The following MEIKIN variants were observed in gnomAD, a reference collection of about 807,000 sequenced individuals.
MEIKIN encodes meiosis-specific kinetochore protein.
chr5:131,886,851 C>T (rs1750806690), intron 8 of MEIKIN, among the ~76,000 whole-genome samples: 1 of 151,888 alleles, frequency 6.6e-6, no homozygotes, highest in African/African-American at 2.4e-5. Context: ...TACATGTGCA[C>T]AACATGCAGG....
At chr5:131,854,423 T>G (rs939057782) in intron 10 of MEIKIN, among the ~76,000 whole-genome samples, 1 of 152,144 alleles carries the variant, frequency 6.6e-6, no homozygotes, top group African/African-American at 2.4e-5. Context: ...GTGGTGATGG[T>G]TGCATAATGA....
At chr5:131,871,373 G>T (rs1403706190) in intron 9 of MEIKIN, among the ~76,000 whole-genome samples, 2 of 152,230 alleles carry the variant, frequency 1.3e-5, no homozygotes, top group Non-Finnish European at 2.9e-5. Context: ...GGCTCAGAGG[G>T]TCCTACGCCC....
intron 7 of MEIKIN, among the ~76,000 whole-genome samples, chr5:131,915,780 A>G (rs1408513638): frequency 6.6e-5 from 10 of 152,206 alleles, no homozygotes; most frequent in Non-Finnish European, 7.3e-5. Context: ...TGAGGGTTTA[A>G]GAGAAGTTTA....
At chr5:131,918,537 T>C (rs1751451210) in intron 6 of MEIKIN, among the ~76,000 whole-genome samples, 2 of 152,172 alleles carry the variant, frequency 1.3e-5, no homozygotes, top group African/African-American at 2.4e-5. Flanking sequence ...TAACTCAATG[T>C]TCTTTGACTA....
At chr5:131,839,083 T>G (rs2149610210) in intron 11 of MEIKIN, among the ~76,000 whole-genome samples, 1 of 152,364 alleles carries the variant, frequency 6.6e-6, no homozygotes, top group Non-Finnish European at 1.5e-5. Context: ...AAGAACTTCT[T>G]GATTTCTGCC....
intron 11 of MEIKIN, among the ~76,000 whole-genome samples, chr5:131,822,408 T>C (rs1423109130): frequency 1.3e-5 from 2 of 152,134 alleles, no homozygotes; most frequent in African/African-American, 4.8e-5. Context: ...TGAAGATGAT[T>C]TGCTCTTGCA....
chr5:131,881,552 G>A (rs192549148), intron 8 of MEIKIN, among the ~76,000 whole-genome samples: 15 of 152,054 alleles, frequency 9.9e-5, no homozygotes, highest in African/African-American at 2.7e-4. Context: ...CTCCAAATAC[G>A]TATCCATAGC....
intron 5 of MEIKIN, among the ~76,000 whole-genome samples, chr5:131,931,413 T>C (rs1216082105): frequency 1.3e-5 from 2 of 152,208 alleles, no homozygotes; most frequent in East Asian, 3.8e-4. Context: ...ATTGTCATCT[T>C]TGTTCTCAGC....
intron 12 of MEIKIN, among the ~76,000 whole-genome samples, chr5:131,812,561 A>G (rs1332346572): frequency 1.3e-5 from 2 of 152,208 alleles, no homozygotes; most frequent in Non-Finnish European, 2.9e-5. Context: ...GGCAGACACA[A>G]TGCCTAGTCA....
intron 11 of MEIKIN, among the ~76,000 whole-genome samples, chr5:131,850,945 C>CA (rs571646467): frequency 4.9e-4 from 70 of 143,244 alleles, no homozygotes; most frequent in South Asian, 6.7e-4. Context: ...GAGACTCTGT[C>CA]AAAAAAAAAG....
At chr5:131,856,088 T>C (rs1256675078) in intron 9 of MEIKIN, among the ~76,000 whole-genome samples, 3 of 152,184 alleles carry the variant, frequency 2.0e-5, no homozygotes, top group East Asian at 3.8e-4. Context: ...TAATCTGGAA[T>C]AGTTTATTAG....
At chr5:131,871,744 C>T (rs557112536) in intron 9 of MEIKIN, among the ~76,000 whole-genome samples, 1 of 152,272 alleles carries the variant, frequency 6.6e-6, no homozygotes, top group South Asian at 2.1e-4. Flanking sequence ...TGGGAGGCAC[C>T]CCCCAGTAGG....
chr5:131,827,973 C>T (rs1004214672), intron 11 of MEIKIN, among the ~76,000 whole-genome samples: 2 of 151,020 alleles, frequency 1.3e-5, no homozygotes, highest in African/African-American at 2.4e-5. Flanking sequence ...CACTTGAGCC[C>T]AGGAGTTTGA....
intron 12 of MEIKIN, among the ~76,000 whole-genome samples, chr5:131,810,337 A>G (rs1772930095): frequency 6.6e-6 from 1 of 152,192 alleles, no homozygotes; most frequent in African/African-American, 2.4e-5. Flanking sequence ...ATAAAAAAAA[A>G]TCTTAAAATT....
intron 7 of MEIKIN, 132 bp from the exon 8 acceptor site, chr5:131,912,011 A>G (rs2149643731): frequency 2.6e-6 from 1 of 382,818 alleles, no homozygotes; most frequent in East Asian, 3.7e-5. Context: ...ACAGTTGCTT[A>G]GAAAAATGTT....
chr5:131,942,722 A>G (rs953923479), intron 3 of MEIKIN, 27 bp from the exon 4 acceptor site: 6 of 397,946 alleles, frequency 1.5e-5, no homozygotes, highest in Non-Finnish European at 2.2e-5. Flanking sequence ...TTAAAGCTAT[A>G]GCAAAATTAT....
chr5:131,864,319 G>A (rs1161528831), intron 9 of MEIKIN, among the ~76,000 whole-genome samples: 2 of 152,026 alleles, frequency 1.3e-5, no homozygotes, highest in East Asian at 3.9e-4. Flanking sequence ...CCTCCTTTGT[G>A]TGTTTGCTTT....
chr5:131,934,353 A>C (rs551311895), intron 4 of MEIKIN, among the ~76,000 whole-genome samples: 2 of 152,240 alleles, frequency 1.3e-5, no homozygotes, highest in African/African-American at 4.8e-5. Context: ...AAAAACAATG[A>C]GCCTACACAT....
At chr5:131,892,982 C>T (rs769989189) in intron 8 of MEIKIN, among the ~76,000 whole-genome samples, 12 of 152,196 alleles carry the variant, frequency 7.9e-5, no homozygotes, top group Non-Finnish European at 1.6e-4. Context: ...GAGGTTCACT[C>T]CAGACCCTGT....
Sources: allele counts gnomAD v4.1 joint callset (sites outside exome capture counted in the v4.1 genomes callset), GRCh38; gene constraint gnomAD v4.1.1; transcripts MANE v1.5; gene names NCBI Gene and HGNC (gene_info 2026-07-23, HGNC 2026-07-21).